The following SCD5 variants were observed in gnomAD, a reference collection of about 807,000 sequenced individuals.
The protein encoded by SCD5 is acyl-CoA-desaturase 4.
In SCD5, 20 loss-of-function variants were observed where a neutral mutation model predicts 30.4. The ratio of observed to expected loss-of-function variants is 0.66; its 90% CI spans 0.46 to 0.96. The LOEUF (loss-of-function observed/expected upper bound fraction) is 0.96. SCD5 is among the 40% of genes least tolerant of loss of function. SCD5 has a pLI of 0.00. For synonymous variants in SCD5, 173 were observed against 176.4 expected, an observed-to-expected ratio of 0.98 and a Z score of 0.16; for missense variants, 381 against 443.3, an observed-to-expected ratio of 0.86 and a Z score of 1.26.
intron 2 of SCD5, among the ~76,000 whole-genome samples, chr4:82,686,839 A>G (rs925149778): frequency 6.6e-6 from 1 of 152,126 alleles, no homozygotes; most frequent in African/African-American, 2.4e-5. Context: ...CTATTGTAGT[A>G]TTGACCTAGA....
At chr4:82,662,432 G>C (rs1423939246) in intron 3 of SCD5, among the ~76,000 whole-genome samples, 1 of 152,012 alleles carries the variant, frequency 6.6e-6, no homozygotes, top group Non-Finnish European at 1.5e-5. Context: ...TATGAAAATA[G>C]GTATAAAAAG....
intron 1 of SCD5, among the ~76,000 whole-genome samples, chr4:82,753,141 T>C (rs544600060): frequency 2.0e-5 from 3 of 152,218 alleles, no homozygotes; most frequent in Non-Finnish European, 2.9e-5. Flanking sequence ...CAAGATCCTA[T>C]GTGATTCCTG....
chr4:82,642,191 G>T (rs1221490976), intron 3 of SCD5, among the ~76,000 whole-genome samples: 3 of 152,088 alleles, frequency 2.0e-5, no homozygotes, highest in African/African-American at 7.3e-5. Context: ...GAGGTCCAGA[G>T]ATGTCTTGGG....
intron 3 of SCD5, among the ~76,000 whole-genome samples, chr4:82,646,697 T>C (rs931640127): frequency 1.3e-5 from 2 of 152,244 alleles, no homozygotes; most frequent in Admixed American, 6.5e-5. Context: ...TCCAGATGCA[T>C]GGCCTGCATC....
chr4:82,747,071 C>CCCCCCA (rs562117466), intron 1 of SCD5, among the ~76,000 whole-genome samples: 3 of 103,102 alleles, frequency 2.9e-5, no homozygotes, highest in Non-Finnish European at 4.2e-5. Context: ...GGCAACCTGC[C>CCCCCCA]CCCCAAGAAA....
At chr4:82,787,180 T>TA (rs1722006041) in intron 1 of SCD5, among the ~76,000 whole-genome samples, 1 of 152,214 alleles carries the variant, frequency 6.6e-6, no homozygotes, top group African/African-American at 2.4e-5. Flanking sequence ...TGTTAGGACT[T>TA]CATCAGTGAG....
intron 3 of SCD5, among the ~76,000 whole-genome samples, chr4:82,647,335 A>G (rs1727652906): frequency 6.9e-5 from 1 of 14,522 alleles, no homozygotes; most frequent in Non-Finnish European, 1.1e-4. Context: ...AGCAAGTTTA[A>G]CTCCAAAACT....
rs549992522 is a variant in SCD5, at chr4:82,717,821, C to T, written c.233-12408G>A. 1.5e-3 allele frequency among the ~76,000 whole-genome samples: 223 copies of T among 151,668 alleles called. 3 individuals carry two copies. Among genetic ancestry groups the T allele is most frequent in the Non-Finnish European group, 2.6e-3 (174 of 67,998 alleles). ...ATCCCAGATACTTGGGAGGGTGAAG[C>T]ACGAGAATTGCTTGAACCCAGGAGG... On this transcript the variant is annotated intron_variant, in intron 1 of 4. Transcript: ENST00000319540.
intron 3 of SCD5, among the ~76,000 whole-genome samples, chr4:82,650,028 C>T (rs1166185316): frequency 2.0e-5 from 3 of 152,176 alleles, no homozygotes; most frequent in African/African-American, 4.8e-5. Flanking sequence ...GTGATGTCCA[C>T]GTGCTGCTTC....
chr4:82,635,619 T>TAAAAA (rs3972726), intron 4 of SCD5, among the ~76,000 whole-genome samples: 2,216 of 114,348 alleles, frequency 0.019, 55 homozygotes, highest in Non-Finnish European at 0.029. Flanking sequence ...GACTCCGTCT[T>TAAAAA]AAAAAAAAAA....
chr4:82,695,887 AT>A (rs1389617486), intron 2 of SCD5, among the ~76,000 whole-genome samples: 1 of 152,102 alleles, frequency 6.6e-6, no homozygotes, highest in Non-Finnish European at 1.5e-5. Flanking sequence ...CCATATTCAA[AT>A]TTCTGCAGCC....
chr4:82,755,150 T>C (rs922562341), intron 1 of SCD5, among the ~76,000 whole-genome samples: 3 of 151,700 alleles, frequency 2.0e-5, no homozygotes, highest in African/African-American at 7.3e-5. Context: ...TGGGCACAAA[T>C]TGAAGGCCCA....
intron 3 of SCD5, among the ~76,000 whole-genome samples, chr4:82,653,222 C>T (rs6845950): frequency 1.3e-5 from 2 of 152,144 alleles, no homozygotes; most frequent in African/African-American, 4.8e-5. Flanking sequence ...TGTAACCAAA[C>T]TTTCAATATG....
chr4:82,736,690 G>A (rs551093261), intron 1 of SCD5, among the ~76,000 whole-genome samples: 22 of 151,950 alleles, frequency 1.4e-4, no homozygotes, highest in Non-Finnish European at 3.1e-4. Context: ...TCTGAGACAG[G>A]GTCTTGCTCT....
At chr4:82,720,937 G>A (rs1383072039) in intron 1 of SCD5, among the ~76,000 whole-genome samples, 2 of 152,058 alleles carry the variant, frequency 1.3e-5, no homozygotes, top group Non-Finnish European at 2.9e-5. Context: ...GGATCTCTTG[G>A]GTCCAGGAGT....
intron 3 of SCD5, among the ~76,000 whole-genome samples, chr4:82,650,163 G>A (rs1487237564): frequency 6.6e-6 from 1 of 152,182 alleles, no homozygotes; most frequent in Admixed American, 6.5e-5. Flanking sequence ...TGATGGGAGT[G>A]GGAGGGGTTG....
At chr4:82,726,348 T>C (rs1720468848) in intron 1 of SCD5, among the ~76,000 whole-genome samples, 1 of 143,124 alleles carries the variant, frequency 7.0e-6, no homozygotes, top group African/African-American at 2.6e-5. Flanking sequence ...ACCCGGGAGA[T>C]GGAGGTTGTG....
intron 1 of SCD5, among the ~76,000 whole-genome samples, chr4:82,784,510 G>A (rs563143776): frequency 3.9e-5 from 6 of 152,186 alleles, no homozygotes; most frequent in African/African-American, 1.4e-4. Context: ...TTGGGGGGAG[G>A]AAATCGTATA....
intron 1 of SCD5, among the ~76,000 whole-genome samples, chr4:82,796,611 G>C (rs768068748): frequency 6.6e-6 from 1 of 152,144 alleles, no homozygotes; most frequent in Non-Finnish European, 1.5e-5. Flanking sequence ...TGAGCCCTAG[G>C]CATGTAAGAT....
Sources: gnomAD v4.1 joint callset for allele counts (sites outside exome capture counted in the v4.1 genomes callset) on GRCh38, gnomAD v4.1.1 for gene constraint, MANE v1.5 for transcripts, NCBI Gene and HGNC (gene_info 2026-07-23, HGNC 2026-07-21) for gene names.